GPM6A: variants seen among roughly 807,000 people sequenced by gnomAD.
GPM6A encodes the protein glycoprotein M6A, also known as neuronal membrane glycoprotein M6-a.
Under a neutral mutation model 32.1 loss-of-function variants are expected in GPM6A, and 7 were observed. The ratio of observed to expected loss-of-function variants is 0.22; its 90% CI spans 0.12 to 0.41. The LOEUF is 0.41. Ranked by LOEUF, GPM6A falls within the 10% of genes least tolerant of loss-of-function variation. The pLI, the probability that GPM6A is intolerant of heterozygous loss-of-function variation, is 1.00. For missense variants in GPM6A, 235 were observed against 347.2 expected (o/e 0.68, Z 2.57); for synonymous variants, 130 against 123.4 (o/e 1.05, Z -0.35).
intron 1 of GPM6A, among the ~76,000 whole-genome samples, chr4:175,751,236 T>G (rs1229752478): frequency 6.6e-6 from 1 of 152,092 alleles, no homozygotes; most frequent in African/African-American, 2.4e-5. Context: ...GTAGAAGACA[T>G]GAAATATCAT....
chr4:175,635,014 T>G lies in GPM6A; in HGVS notation c.728A>C (p.Lys243Thr), dbSNP rs1421658760. ...ATACTTCTGCATCCGGCAGGCGTCT[T>G]TCACATAGGCCCAGTTGGCAGACAG... ...MVLSANWAYV[K>T]DACRMQKYED... Residue 243 changes from lysine (K) to threonine (T), a missense_variant, in exon 7 of 7, where the codon AAA (lysine) becomes ACA (threonine). Around this residue, in one of 3 missense-constraint regions of GPM6A, gnomAD observed 27 missense variants for 59.4 expected, o/e 0.45. Transcript: ENST00000393658. 6.2e-7 allele frequency: 1 copy of G among 1,613,808 alleles called. No homozygotes were observed. The highest frequency in any genetic ancestry group is 8.5e-7 in the Non-Finnish European group (1 of 1,179,778).
chr4:175,955,218 A>T (rs964853533), intron 1 of GPM6A, among the ~76,000 whole-genome samples: 2 of 152,226 alleles, frequency 1.3e-5, no homozygotes, highest in Admixed American at 6.5e-5. Flanking sequence ...ACAAGCCCAC[A>T]TACCACACCT....
At chr4:175,959,368 A>G (rs984508929) in intron 1 of GPM6A, among the ~76,000 whole-genome samples, 1 of 152,090 alleles carries the variant, frequency 6.6e-6, no homozygotes, top group African/African-American at 2.4e-5. Flanking sequence ...TGATCCTTGC[A>G]TGCTTGCCAT....
intron 1 of GPM6A, among the ~76,000 whole-genome samples, chr4:175,793,386 ATT>A (rs1734087492): frequency 6.6e-6 from 1 of 151,726 alleles, no homozygotes. Flanking sequence ...TTATTTATTT[ATT>A]TATTTAGAGA....
intron 1 of GPM6A, among the ~76,000 whole-genome samples, chr4:175,745,882 A>G (rs1224759002): frequency 6.6e-6 from 1 of 152,154 alleles, no homozygotes; most frequent in Non-Finnish European, 1.5e-5. Flanking sequence ...TTATTTATTC[A>G]GAGTGGCATA....
intron 1 of GPM6A, among the ~76,000 whole-genome samples, chr4:175,977,931 A>T (rs924283743): frequency 3.3e-5 from 5 of 152,162 alleles, no homozygotes; most frequent in African/African-American, 1.2e-4. Flanking sequence ...CATGCGCACC[A>T]CTTAACCCTC....
intron 1 of GPM6A, among the ~76,000 whole-genome samples, chr4:175,803,286 T>G (rs1826764): frequency 2.0e-5 from 3 of 151,814 alleles, no homozygotes; most frequent in Non-Finnish European, 2.9e-5. Flanking sequence ...CTTCAGGAAT[T>G]TGTACTTTGA....
intron 2 of GPM6A, among the ~76,000 whole-genome samples, chr4:175,676,081 T>G (rs2110991738): frequency 6.6e-6 from 1 of 152,270 alleles, no homozygotes; most frequent in South Asian, 2.1e-4. Flanking sequence ...TCTAAGATGC[T>G]TTCCTGCTGC....
At chr4:175,909,045 G>A (rs1579617587) in intron 1 of GPM6A, among the ~76,000 whole-genome samples, 1 of 93,496 alleles carries the variant, frequency 1.1e-5, no homozygotes, top group African/African-American at 5.0e-5. Flanking sequence ...AAAAGGGCGG[G>A]GGGGGGGCAA....
At position 175,636,437 on chromosome 4, in the gene GPM6A, T is replaced by C. The variant is rs182826465; in HGVS notation, c.685-1380A>G. Reference sequence around the variant, plus strand: ...AATATTTGCCAAATAAATGAATGTATTTTTCAATCTTCAAAAACTTTTCAT... The same window carrying C: ...AATATTTGCCAAATAAATGAATGTACTTTTCAATCTTCAAAAACTTTTCAT... On this transcript the variant is annotated intron_variant, in intron 6 of 6. Transcript: ENST00000393658. Among the ~76,000 whole-genome samples, 1,461 of 151,544 alleles carry C rather than the reference T, an allele frequency of 9.6e-3. 26 individuals are homozygous for C. The highest frequency in any genetic ancestry group is 0.034 in the African/African-American group (1,392 of 41,356).
chr4:175,669,295 T>C (rs1742922577), intron 3 of GPM6A, among the ~76,000 whole-genome samples: 1 of 152,200 alleles, frequency 6.6e-6, no homozygotes, highest in Non-Finnish European at 1.5e-5. Flanking sequence ...TGGCCAAATC[T>C]ACAAACACCT....
chr4:175,941,036 C>T (rs941651696), intron 1 of GPM6A, among the ~76,000 whole-genome samples: 5 of 152,140 alleles, frequency 3.3e-5, no homozygotes, highest in South Asian at 4.1e-4. Flanking sequence ...GTGTCCCTGG[C>T]GTACAGGAGC....
At chr4:175,848,696 G>A (rs990788013) in intron 1 of GPM6A, among the ~76,000 whole-genome samples, 3 of 152,072 alleles carry the variant, frequency 2.0e-5, no homozygotes, top group African/African-American at 4.8e-5. Flanking sequence ...GCCTACAACC[G>A]AGCAATGATG....
intron 2 of GPM6A, among the ~76,000 whole-genome samples, chr4:175,682,501 T>C (rs1229580092): frequency 2.0e-5 from 3 of 152,056 alleles, no homozygotes. Flanking sequence ...TCCAAGACAA[T>C]GGAGAACAGG....
At chr4:175,788,329 A>C (rs987168901) in intron 1 of GPM6A, among the ~76,000 whole-genome samples, 2 of 152,214 alleles carry the variant, frequency 1.3e-5, no homozygotes, top group African/African-American at 2.4e-5. Context: ...AGGAACAGTA[A>C]GAGATACATG....
chr4:175,961,412 T>C (rs1740159418), intron 1 of GPM6A: 1 of 151,930 alleles, frequency 6.6e-6, no homozygotes, highest in Non-Finnish European at 1.5e-5. Flanking sequence ...AGAATTGAGG[T>C]CTTGAGACAA....
In GPM6A at chr4:175,906,123, A is replaced by G. The variant is rs575569090; in HGVS notation, c.-22-93874T>C. Reference sequence around the variant, plus strand: ...ACCATCAAATTCAATGAGTGAATCAATGGCCACAGCTGGATGCAAGAAGCA... The same window carrying G: ...ACCATCAAATTCAATGAGTGAATCAGTGGCCACAGCTGGATGCAAGAAGCA... On this transcript the variant is annotated intron_variant, in intron 1 of 7. Coordinates refer to the GPM6A transcript ENST00000280187. Among the ~76,000 whole-genome samples, 104 of 152,272 alleles carry G rather than the reference A, an allele frequency of 6.8e-4. No homozygotes were observed. The Middle Eastern group carries it at 0.017, about 25-fold the overall frequency.
chr4:175,993,333 T>C (rs1368446388), intron 1 of GPM6A, among the ~76,000 whole-genome samples: 1 of 152,198 alleles, frequency 6.6e-6, no homozygotes, highest in South Asian at 2.1e-4. Context: ...CTGTTCTTTC[T>C]GTTGCACTGA....
intron 1 of GPM6A, among the ~76,000 whole-genome samples, chr4:175,905,685 A>G (rs778091005): frequency 1.3e-5 from 2 of 152,088 alleles, no homozygotes; most frequent in Non-Finnish European, 2.9e-5. Context: ...CCAAAGTGCT[A>G]TATTTTGGGG....
Sources: gnomAD v4.1 joint callset for allele counts (sites outside exome capture counted in the v4.1 genomes callset) on GRCh38, gnomAD v4.1.1 for gene constraint, gnomAD v4.1.1 regional missense constraint, MANE v1.5 for transcripts, NCBI Gene and HGNC (gene_info 2026-07-23, HGNC 2026-07-21) for gene names.